Variants in RECK observed in about 807,000 individuals in gnomAD.
RECK encodes the protein reversion inducing cysteine rich protein with kazal motifs.
In RECK, 69 loss-of-function variants were observed where a neutral mutation model predicts 115.1. That is an observed-to-expected ratio of 0.60 (90% CI 0.49 to 0.73). The LOEUF (loss-of-function observed/expected upper bound fraction) is 0.73. RECK is among the 30% of genes least tolerant of loss of function. The probability of loss-of-function intolerance (pLI) is 0.00; values close to 1 mark genes in which losing one functional copy is unlikely to be tolerated. For missense variants in RECK, 1,047 were observed against 1,203.7 expected, an observed-to-expected ratio of 0.87 and a Z score of 1.93; for synonymous variants, 414 against 419.7, an observed-to-expected ratio of 0.99 and a Z score of 0.17.
intron 6 of RECK, among the ~76,000 whole-genome samples, chr9:36,071,080 G>C (rs551525494): frequency 1.3e-5 from 2 of 152,310 alleles, no homozygotes; most frequent in African/African-American, 4.8e-5. Context: ...CAGAACAGAT[G>C]CTGGCTGTAA....
intron 2 of RECK, among the ~76,000 whole-genome samples, chr9:36,053,451 A>C (rs1821387807): frequency 6.6e-6 from 1 of 152,246 alleles, no homozygotes; most frequent in Non-Finnish European, 1.5e-5. Context: ...AGATTTTGCA[A>C]GATACGGTCT....
chr9:36,114,071 C>T (rs1205807254), intron 16 of RECK, among the ~76,000 whole-genome samples: 1 of 152,184 alleles, frequency 6.6e-6, no homozygotes, highest in Non-Finnish European at 1.5e-5. Context: ...TCTTCTGTGT[C>T]TTCTGCATCT....
chr9:36,036,947 C>A lies in RECK; in HGVS notation c.-52C>A. On this transcript the variant is annotated 5_prime_UTR_variant, in exon 1 of 21. Transcript: ENST00000377966. ...GCGGCGGTAGCGGCGGCAGCGGCTG[C>A]GGCCAAGCTGGGTCCGAGCATCCCG... The A allele has an allele frequency of 8.2e-7, 1 of 1,214,638 alleles. No homozygotes were observed. Among genetic ancestry groups the A allele is most frequent in the Non-Finnish European group, 1.1e-6 (1 of 951,672 alleles). The allele number at this position is 1,214,638 out of a possible 1,614,324, so 75.2% of individuals were successfully genotyped here.
chr9:36,090,533 G>A (rs1823119790), intron 9 of RECK, among the ~76,000 whole-genome samples: 1 of 152,162 alleles, frequency 6.6e-6, no homozygotes, highest in Admixed American at 6.5e-5. Context: ...TATCATGTGT[G>A]AGAGCACTTT....
intron 2 of RECK, among the ~76,000 whole-genome samples, chr9:36,054,656 A>G (rs1443713037): frequency 6.6e-6 from 1 of 152,140 alleles, no homozygotes; most frequent in Non-Finnish European, 1.5e-5. Context: ...TTTGTAGATC[A>G]ACTGGAGCAA....
intron 10 of RECK, 97 bp downstream of exon 10, chr9:36,091,440 A>C (rs1823151357): frequency 1.1e-6 from 1 of 951,320 alleles, no homozygotes. Flanking sequence ...TGTTGGGTTA[A>C]AAGAAAGTCT....
intron 8 of RECK, among the ~76,000 whole-genome samples, chr9:36,087,073 G>A (rs1221422762): frequency 6.6e-6 from 1 of 152,012 alleles, no homozygotes; most frequent in African/African-American, 2.4e-5. Flanking sequence ...AGAGAATTTG[G>A]TAGGGCCTGT....
In RECK at chr9:36,123,035, C is replaced by T. The variant is rs749678517; in HGVS notation, c.2906C>T (p.Thr969Ile). 1.7e-5 allele frequency: 28 copies of T among 1,612,982 alleles called. No individual in the cohort carries two copies. The African/African-American group carries it at 3.5e-4, about 20-fold the overall frequency. ...GGCCTTGCCTTGCACTTGCTCTGGACATATAACTGACTGCCCACGGAAAGT... is the reference window on the plus strand; with the variant it reads ...GGCCTTGCCTTGCACTTGCTCTGGATATATAACTGACTGCCCACGGAAAGT... ...SLGLALHLLW[T>I]YN The change falls in exon 21 of 21, where the codon ACA becomes ATA. Residue 969 changes from threonine (T) to isoleucine (I), a missense_variant. Coordinates refer to ENST00000377966, the MANE Select transcript of RECK (RefSeq NM_021111.3).
intron 16 of RECK, among the ~76,000 whole-genome samples, chr9:36,114,826 C>T (rs1824195422): frequency 6.6e-6 from 1 of 151,716 alleles, no homozygotes; most frequent in Non-Finnish European, 1.5e-5. Flanking sequence ...GCCTGGGGGA[C>T]AGAACAAGAC....
chr9:36,123,192 G>T lies in RECK; in HGVS notation c.*147G>T. The stretch of plus-strand genomic sequence containing the variant: ...CACACAGTATTTTTTTTTTTAATCC[G>T]CCAATATTAGTAGGATTTTTGTTTT... On this transcript the variant is annotated 3_prime_UTR_variant, in exon 21 of 21. Coordinates refer to ENST00000377966, the MANE Select transcript of RECK (RefSeq NM_021111.3). 1 of 577,982 alleles carries T rather than the reference G, an allele frequency of 1.7e-6. No homozygotes were observed. The highest frequency in any genetic ancestry group is 3.0e-6 in the Non-Finnish European group (1 of 330,974). 35.8% of individuals were successfully genotyped at this position (577,982 alleles called of 1,614,324 possible). A position where few individuals can be genotyped will look rare whatever the true frequency, so the allele number is the denominator to read the frequency against.
intron 6 of RECK, among the ~76,000 whole-genome samples, chr9:36,077,874 T>C (rs1324465): frequency 0.61 from 92,983 of 152,014 alleles, 29,946 homozygotes; most frequent in East Asian, 0.82. Context: ...CACTCTCTGT[T>C]TATTCAACTT....
chr9:36,068,564 C>T (rs1025426541), intron 6 of RECK, among the ~76,000 whole-genome samples: 2 of 152,156 alleles, frequency 1.3e-5, no homozygotes, highest in Non-Finnish European at 2.9e-5. Context: ...AGGCAGGAAT[C>T]CAGAGAAGTA....
intron 10 of RECK, among the ~76,000 whole-genome samples, chr9:36,093,398 A>G (rs1823232460): frequency 6.9e-6 from 1 of 144,898 alleles, no homozygotes; most frequent in Non-Finnish European, 1.5e-5. Context: ...TAGCAGATAA[A>G]GAATCTAATT....
chr9:36,076,437 G>T (rs151194042), intron 6 of RECK, among the ~76,000 whole-genome samples: 1 of 152,172 alleles, frequency 6.6e-6, no homozygotes, highest in Non-Finnish European at 1.5e-5. Flanking sequence ...GTGGCATGAA[G>T]GATCACATAG....
At chr9:36,091,112 A>G in intron 9 of RECK, 52 bp from the exon 10 acceptor site, 2 of 1,548,670 alleles carry the variant, frequency 1.3e-6, no homozygotes, top group Non-Finnish European at 1.8e-6. Context: ...TGCAAATCAA[A>G]TATTTACTTG....
intron 9 of RECK, among the ~76,000 whole-genome samples, chr9:36,090,101 A>AGCCGAGACT (rs1823106748): frequency 6.6e-6 from 1 of 152,140 alleles, no homozygotes; most frequent in Admixed American, 6.6e-5. Context: ...GGCTGCAGTC[A>AGCCGAGACT]GCCGAGATCA....
At position 36,087,715 on chromosome 9, in the gene RECK, C is replaced by T. The variant is rs1823018287; in HGVS notation, c.659C>T (p.Ala220Val). ...PTDSLYCCDRAEDHACQNACK... is the reference protein window; with the variant it reads ...PTDSLYCCDRVEDHACQNACK... ...GTAGGTTTATATTGCTGTGACAGAG[C>T]TGAAGACCATGCTTGCCAAAATGCC... The change falls in exon 9 of 21, where the codon GCT becomes GTT. Residue 220 changes from alanine (A) to valine (V), a missense_variant. Transcript: ENST00000377966. The T allele has an allele frequency of 1.2e-6, 2 of 1,613,786 alleles. No homozygotes were observed. Among genetic ancestry groups the T allele is most frequent in the African/African-American group, 2.7e-5 (2 of 74,882 alleles).
Position 36,121,668 on chromosome 9 carries a change from C to T in RECK, c.2674C>T (p.His892Tyr), listed in dbSNP as rs756006061. ...EIVILIIPVD[H>Y]YPKALQIEAC... is the part of the protein sequence containing the mutation. ...TGTGATCCTGATCATTCCCGTCGAT[C>T]ACTATCCAAAAGCTCTGCAGGTGAG... is the stretch of plus-strand genomic sequence containing the variant. Residue 892 changes from histidine to tyrosine, a missense_variant, in exon 20 of 21, where the codon CAC (histidine) becomes TAC (tyrosine). Transcript: ENST00000377966. 9.9e-6 allele frequency: 16 copies of T among 1,614,116 alleles called. No individual in the cohort carries two copies. The East Asian group carries it at 3.3e-4, about 34-fold the overall frequency.
intron 8 of RECK, among the ~76,000 whole-genome samples, chr9:36,084,598 G>A (rs1822868226): frequency 6.6e-6 from 1 of 152,184 alleles, no homozygotes; most frequent in Non-Finnish European, 1.5e-5. Context: ...GGGAGGCTGA[G>A]GCAGGAGAAT....
Sources: gnomAD v4.1 joint callset for allele counts (sites outside exome capture counted in the v4.1 genomes callset) on GRCh38, gnomAD v4.1.1 for gene constraint, MANE v1.5 for transcripts, NCBI Gene and HGNC (gene_info 2026-07-23, HGNC 2026-07-21) for gene names.